Variants in PIP4K2A observed in about 807,000 individuals in gnomAD.
The protein encoded by PIP4K2A is phosphatidylinositol-5-phosphate 4-kinase type 2 alpha, also known as phosphatidylinositol 5-phosphate 4-kinase type-2 alpha.
A neutral mutation model predicts 42.9 loss-of-function variants in PIP4K2A; 14 were observed. The observed-to-expected ratio is 0.33, with a 90% CI of 0.22 to 0.51. The LOEUF (loss-of-function observed/expected upper bound fraction) is 0.51. PIP4K2A is among the 20% of genes least tolerant of loss of function. PIP4K2A has a pLI of 0.97. For synonymous variants in PIP4K2A, 192 were observed against 192.2 expected (o/e 1.00, Z 0.01); for missense variants, 434 against 519.8 (o/e 0.83, Z 1.61).
chr10:22,572,895 G>A (rs1231364244), intron 5 of PIP4K2A, among the ~76,000 whole-genome samples: 1 of 151,464 alleles, frequency 6.6e-6, no homozygotes, highest in Non-Finnish European at 1.5e-5. Context: ...AACCTTCCCT[G>A]ACAGGACTAT....
chr10:22,569,155 CG>C (rs1836920574), intron 5 of PIP4K2A: 2 of 845,504 alleles, frequency 2.4e-6, no homozygotes, highest in Non-Finnish European at 3.8e-6. Flanking sequence ...GAAACTTGAA[CG>C]GAAGAGACTC....
chr10:22,573,359 T>A lies in PIP4K2A; in HGVS notation c.591A>T (p.Arg197Ser). ...DGVEIYVIVTRNVFSHRLSVY... is the reference protein window; with the variant it reads ...DGVEIYVIVTSNVFSHRLSVY... ...CAGACAAACGGTGGCTGAATACATT[T>A]CTTGTAACTATCACATATATTTCAA... Residue 197 changes from arginine (R) to serine (S), a missense_variant, in exon 5 of 10, where the codon AGA (arginine) becomes AGT (serine). Physicochemically the swap from Arg to Ser is moderately radical, Grantham distance 110. This residue lies in a region of PIP4K2A where 395 missense variants were observed against 444.5 expected (regional missense o/e 0.89). Coordinates refer to ENST00000376573, the MANE Select transcript of PIP4K2A (RefSeq NM_005028.5). The A allele has an allele frequency of 6.2e-7, 1 of 1,613,750 alleles. No homozygotes were observed. The highest frequency in any genetic ancestry group is 8.5e-7 in the Non-Finnish European group (1 of 1,179,648).
chr10:22,688,959 T>C (rs1481326608), intron 1 of PIP4K2A, among the ~76,000 whole-genome samples: 5 of 152,234 alleles, frequency 3.3e-5, no homozygotes, highest in Non-Finnish European at 7.3e-5. Context: ...TCTCAAATAA[T>C]TGGCTATCAT....
intron 1 of PIP4K2A, among the ~76,000 whole-genome samples, chr10:22,711,092 TA>T (rs1300499723): frequency 6.6e-6 from 1 of 152,220 alleles, no homozygotes; most frequent in East Asian, 1.9e-4. Flanking sequence ...ATTCTCTGCT[TA>T]AAATACTTAA....
At position 22,591,793 on chromosome 10, in the gene PIP4K2A, G is replaced by C. The variant is rs769204793; in HGVS notation, c.340-12C>G. On this transcript the variant is annotated splice_polypyrimidine_tract_variant and intron_variant, in intron 3 of 9. Transcript: ENST00000376573. Reference sequence around the variant, plus strand: ...CTGGTCAGGGAATTCTTCCCGGGTGGGGTAAGAGGGGAAGGAAGGCGGGGG... The same window carrying C: ...CTGGTCAGGGAATTCTTCCCGGGTGCGGTAAGAGGGGAAGGAAGGCGGGGG... 5 of 1,597,304 alleles carry C rather than the reference G, an allele frequency of 3.1e-6. No homozygotes were observed. The highest frequency in any genetic ancestry group is 4.3e-6 in the Non-Finnish European group (5 of 1,170,636).
At chr10:22,708,449 C>T (rs148880280) in intron 1 of PIP4K2A, among the ~76,000 whole-genome samples, 2 of 152,318 alleles carry the variant, frequency 1.3e-5, no homozygotes, top group African/African-American at 4.8e-5. Context: ...GAGCTCCAAT[C>T]ACACCTTTCC....
At chr10:22,565,192 C>G (rs1485164296) in intron 6 of PIP4K2A, among the ~76,000 whole-genome samples, 1 of 152,192 alleles carries the variant, frequency 6.6e-6, no homozygotes, top group African/African-American at 2.4e-5. Context: ...TGCCAACCAT[C>G]CTTTCAGGGA....
chr10:22,627,226 C>A (rs961814382), intron 1 of PIP4K2A, among the ~76,000 whole-genome samples: 2 of 152,134 alleles, frequency 1.3e-5, no homozygotes, highest in South Asian at 2.1e-4. Context: ...CAGATTTAAT[C>A]CAGGCAGTTC....
intron 1 of PIP4K2A, among the ~76,000 whole-genome samples, chr10:22,697,046 G>A (rs1331430587): frequency 6.6e-6 from 1 of 151,520 alleles, no homozygotes; most frequent in African/African-American, 2.4e-5. Context: ...GATGGCTACA[G>A]TTTATAAGCG....
intron 1 of PIP4K2A, 69 bp from the exon 2 acceptor site, chr10:22,609,786 T>G: frequency 1.1e-6 from 1 of 897,422 alleles, no homozygotes. Flanking sequence ...CTTGAATGTG[T>G]ACCTTGGGAA....
rs1206336414 is a variant in PIP4K2A, at chr10:22,664,073, ATACG to A, written c.144+50106_144+50109del. Among the ~76,000 whole-genome samples, 167 of 82,392 alleles carry A rather than the reference ATACG, an allele frequency of 2.0e-3. 5 individuals are homozygous for A. Among genetic ancestry groups the A allele is most frequent in the African/African-American group, 0.012 (139 of 11,620 alleles). The allele number at this position is 82,392 out of a possible 152,430, so 54.1% of individuals were successfully genotyped here. A position where few individuals can be genotyped will look rare whatever the true frequency, so the allele number is the denominator to read the frequency against. On this transcript the variant is annotated intron_variant, in intron 1 of 9. Transcript: ENST00000376573. ...CATATGTATATATACATATATATAT[ATACG>A]TATATATATATACATATATATATAT...
chr10:22,617,834 TC>T (rs1387744053), intron 1 of PIP4K2A, among the ~76,000 whole-genome samples: 1 of 152,066 alleles, frequency 6.6e-6, no homozygotes, highest in Non-Finnish European at 1.5e-5. Flanking sequence ...CTCAAAAATC[TC>T]AAGACACAGA....
chr10:22,664,093 A>ACG, intron 1 of PIP4K2A, among the ~76,000 whole-genome samples: 1 of 71,634 alleles, frequency 1.4e-5, no homozygotes, highest in African/African-American at 1.0e-4. Context: ...ATATATACAT[A>ACG]TATATATATA....
intron 9 of PIP4K2A, chr10:22,539,545 T>G (rs914041626): frequency 6.1e-6 from 1 of 163,612 alleles, no homozygotes. Context: ...GAATATTTCA[T>G]ATTAGAACAC....
At chr10:22,687,398 A>C (rs1196610026) in intron 1 of PIP4K2A, among the ~76,000 whole-genome samples, 2 of 152,200 alleles carry the variant, frequency 1.3e-5, no homozygotes, top group East Asian at 3.8e-4. Flanking sequence ...ATGGAGGTCA[A>C]AAGATACAAA....
At chr10:22,703,586 C>T (rs947183401) in intron 1 of PIP4K2A, among the ~76,000 whole-genome samples, 1 of 152,118 alleles carries the variant, frequency 6.6e-6, no homozygotes, top group African/African-American at 2.4e-5. Context: ...GAAAGTGGGG[C>T]CCAGGCCAGT....
intron 3 of PIP4K2A, among the ~76,000 whole-genome samples, chr10:22,593,807 G>A (rs1260474728): frequency 1.3e-5 from 2 of 152,188 alleles, no homozygotes; most frequent in African/African-American, 4.8e-5. Flanking sequence ...CAGACCAAGT[G>A]GAACAGACCT....
chr10:22,546,227 G>A (rs957751834), intron 7 of PIP4K2A, among the ~76,000 whole-genome samples: 1 of 152,122 alleles, frequency 6.6e-6, no homozygotes, highest in South Asian at 2.1e-4. Flanking sequence ...TAATGAAACT[G>A]AGAGAAAAAA....
At chr10:22,624,238 G>T (rs58241422) in intron 1 of PIP4K2A, among the ~76,000 whole-genome samples, 6 of 152,108 alleles carry the variant, frequency 3.9e-5, no homozygotes, top group Non-Finnish European at 8.8e-5. Context: ...GCTAGGAAAA[G>T]ACTAAAAACC....
Sources: allele counts gnomAD v4.1 joint callset (sites outside exome capture counted in the v4.1 genomes callset), GRCh38; gene constraint gnomAD v4.1.1; regional missense constraint gnomAD v4.1.1; transcripts MANE v1.5; gene names NCBI Gene and HGNC (gene_info 2026-07-23, HGNC 2026-07-21).